The following FER variants were observed in gnomAD, a reference collection of about 807,000 sequenced individuals.
FER encodes FER tyrosine kinase, also known as tyrosine-protein kinase Fer.
A neutral mutation model predicts 111.0 loss-of-function variants in FER; 63 were observed. The observed-to-expected ratio is 0.57, with a 90% confidence interval of 0.46 to 0.70. The LOEUF is 0.70. Among genes scored for constraint, FER ranks in the 30% least tolerant of loss-of-function variants. The probability of loss-of-function intolerance (pLI) is 0.00; values close to 1 mark genes in which losing one functional copy is unlikely to be tolerated. For missense variants in FER, 914 were observed against 954.0 expected (o/e 0.96, Z 0.55); for synonymous variants, 327 against 313.9 (o/e 1.04, Z -0.44).
At chr5:108,828,884 G>T (rs2150123991) in intron 3 of FER, among the ~76,000 whole-genome samples, 1 of 152,220 alleles carries the variant, frequency 6.6e-6, no homozygotes, top group Non-Finnish European at 1.5e-5. Flanking sequence ...GATTGATTGA[G>T]GCCAGGAGTT....
intron 8 of FER, among the ~76,000 whole-genome samples, chr5:108,877,072 C>A (rs1765161505): frequency 6.6e-6 from 1 of 152,164 alleles, no homozygotes; most frequent in Non-Finnish European, 1.5e-5. Flanking sequence ...ACTCCTGTTA[C>A]AGAGGATGAT....
intron 8 of FER, among the ~76,000 whole-genome samples, chr5:108,875,654 G>A (rs972939410): frequency 6.6e-6 from 1 of 152,086 alleles, no homozygotes. Context: ...GGACAGATGA[G>A]TCATCTAATG....
chr5:109,158,224 T>TA (rs1755620410), intron 17 of FER, among the ~76,000 whole-genome samples: 1 of 151,408 alleles, frequency 6.6e-6, no homozygotes, highest in African/African-American at 2.4e-5. Context: ...ACAAAAAAAA[T>TA]ACCAAAAAAT....
At chr5:109,120,520 T>C (rs78803686) in intron 17 of FER, among the ~76,000 whole-genome samples, 18,736 of 152,030 alleles carry the variant, frequency 0.12, 1,145 homozygotes, top group African/African-American at 0.14. Context: ...GTATATTTTA[T>C]AGTCAGGTAA....
At chr5:108,942,494 GC>G (rs1355871189) in intron 10 of FER, among the ~76,000 whole-genome samples, 1 of 152,110 alleles carries the variant, frequency 6.6e-6, no homozygotes, top group Non-Finnish European at 1.5e-5. Context: ...AGAAAAGACA[GC>G]ATGACAAACT....
intron 9 of FER, among the ~76,000 whole-genome samples, chr5:108,886,347 A>T (rs1197997683): frequency 6.6e-6 from 1 of 150,652 alleles, no homozygotes; most frequent in African/African-American, 2.4e-5. Context: ...GGAAAGTAAC[A>T]TTTCTTGAGT....
At chr5:108,764,986 G>T (rs891873083) in intron 1 of FER, among the ~76,000 whole-genome samples, 2 of 152,122 alleles carry the variant, frequency 1.3e-5, no homozygotes, top group Non-Finnish European at 2.9e-5. Flanking sequence ...TATTTCTTTT[G>T]CATCACCCTA....
chr5:108,913,210 A>G (rs1296735909), intron 10 of FER, among the ~76,000 whole-genome samples: 1 of 152,132 alleles, frequency 6.6e-6, no homozygotes. Context: ...TGCTTAACAC[A>G]GTACCTGGCA....
At chr5:109,173,767 C>CA (rs1554158700) in intron 17 of FER, among the ~76,000 whole-genome samples, 2 of 140,726 alleles carry the variant, frequency 1.4e-5, no homozygotes, top group African/African-American at 2.7e-5. Context: ...CCCCCCCCCC[C>CA]ACAAGTAACA....
chr5:109,008,792 G>C (rs1342379519), intron 13 of FER, among the ~76,000 whole-genome samples: 1 of 152,000 alleles, frequency 6.6e-6, no homozygotes, highest in South Asian at 2.1e-4. Context: ...CCAACATGGA[G>C]AAACCCTGTC....
At chr5:108,894,682 G>A (rs1748781250) in intron 9 of FER, 1 of 223,142 alleles carries the variant, frequency 4.5e-6, no homozygotes, top group Admixed American at 4.8e-5. Context: ...AAAGGAAAGA[G>A]GTTTAATTGA....
intron 1 of FER, among the ~76,000 whole-genome samples, chr5:108,754,317 G>A (rs1200420797): frequency 6.6e-6 from 1 of 151,040 alleles, no homozygotes; most frequent in Admixed American, 6.6e-5. Context: ...TAAGGCAGGA[G>A]GATTCCTTGA....
rs1322896734 is a variant in FER at position 109,196,349 on chromosome 5, C to T, written c.*8774C>T. 1 of 152,174 alleles carries T rather than the reference C, an allele frequency of 6.6e-6. No homozygotes were observed. The highest frequency in any genetic ancestry group is 1.5e-5 in the Non-Finnish European group (1 of 68,046). 9.4% of individuals were successfully genotyped at this position (152,174 alleles called of 1,614,324 possible). ...AAGCAGCATTTTGAGTAAAGCACTG[C>T]TGTGGTTTGCCGATTTATGGTCCAT... On this transcript the variant is annotated 3_prime_UTR_variant, in exon 20 of 20. Transcript: ENST00000281092.
At chr5:108,838,426 G>C (rs936948702) in intron 5 of FER, among the ~76,000 whole-genome samples, 3 of 152,138 alleles carry the variant, frequency 2.0e-5, no homozygotes, top group African/African-American at 7.2e-5. Flanking sequence ...AATTAGAGAA[G>C]ACAGGCCTTG....
At chr5:109,123,765 C>T (rs1751318003) in intron 17 of FER, among the ~76,000 whole-genome samples, 2 of 152,234 alleles carry the variant, frequency 1.3e-5, no homozygotes, top group African/African-American at 4.8e-5. Context: ...ATTCTATAAT[C>T]AGTGACTGCT....
At chr5:108,988,077 A>G (rs76924475) in intron 13 of FER, among the ~76,000 whole-genome samples, 8,909 of 152,030 alleles carry the variant, frequency 0.059, 401 homozygotes, top group South Asian at 0.12. Context: ...GATTCTGTTT[A>G]TGTGGTGTAT....
intron 17 of FER, among the ~76,000 whole-genome samples, chr5:109,168,474 C>T (rs1383722326): frequency 6.6e-6 from 1 of 151,906 alleles, no homozygotes; most frequent in Non-Finnish European, 1.5e-5. Context: ...ATCAGTCATG[C>T]CTGTGTATTG....
chr5:109,072,925 A>G (rs1775933025), intron 16 of FER, among the ~76,000 whole-genome samples: 1 of 152,062 alleles, frequency 6.6e-6, no homozygotes, highest in African/African-American at 2.4e-5. Context: ...TTGCAGGTAT[A>G]TCATTCAGTT....
Position 108,883,438 on chromosome 5 carries a change from G to T in FER, c.966G>T (p.Met322Ile), listed in dbSNP as rs145208291. 2.9e-5 allele frequency: 47 copies of T among 1,608,940 alleles called. No homozygotes were observed. Among genetic ancestry groups the T allele is most frequent in the South Asian group, 1.9e-4 (17 of 90,630 alleles). The change falls in exon 9 of 20, where the codon ATG becomes ATT. Residue 322 changes from methionine (M) to isoleucine (I), a missense_variant. Physicochemically the swap from Met to Ile is conservative, Grantham distance 10 (BLOSUM62 1). Transcript: ENST00000281092. ...AAGAACTTATGCAAACACAGCAGATGCTTTTAAACAAGGAGGAGGCTGTTT... is the reference window on the plus strand; with the variant it reads ...AAGAACTTATGCAAACACAGCAGATTCTTTTAAACAAGGAGGAGGCTGTTT... ...LAEELMQTQQ[M>I]LLNKEEAVLE...
Sources: allele counts gnomAD v4.1 joint callset (sites outside exome capture counted in the v4.1 genomes callset), GRCh38; gene constraint gnomAD v4.1.1; transcripts MANE v1.5; gene names NCBI Gene and HGNC (gene_info 2026-07-23, HGNC 2026-07-21).